Variants in ADAMTS2 observed in about 807,000 individuals in gnomAD.
ADAMTS2 encodes the protein ADAM metallopeptidase with thrombospondin type 1 motif 2.
Under a neutral mutation model 123.0 loss-of-function variants are expected in ADAMTS2, and 50 were observed. The ratio of observed to expected loss-of-function variants is 0.41; its 90% confidence interval spans 0.32 to 0.51. ADAMTS2 has a LOEUF of 0.51. ADAMTS2 is among the 20% of genes least tolerant of loss of function. The pLI, the probability that ADAMTS2 is intolerant of heterozygous loss-of-function variation, is 0.35. For synonymous variants in ADAMTS2, 678 were observed against 695.4 expected, an observed-to-expected ratio of 0.98 and a Z score of 0.39; for missense variants, 1,494 against 1,705.2, an observed-to-expected ratio of 0.88 and a Z score of 2.18.
chr5:179,210,548 T>C (rs1029196515), intron 3 of ADAMTS2, among the ~76,000 whole-genome samples: 2 of 152,220 alleles, frequency 1.3e-5, no homozygotes, highest in African/African-American at 4.8e-5. Context: ...CCAGGACCAG[T>C]GCCTAGAGAG....
chr5:179,179,804 G>A (rs1764006074), intron 5 of ADAMTS2, among the ~76,000 whole-genome samples: 1 of 152,112 alleles, frequency 6.6e-6, no homozygotes, highest in South Asian at 2.1e-4. Flanking sequence ...GGAGTCCTTC[G>A]TCATCATTTT....
chr5:179,260,674 C>T lies in ADAMTS2; in HGVS notation c.688+12237G>A, dbSNP rs908762976. ...CTGTTTCTACAGCTTACTATCTGTG[C>T]GACCGTCGGCACCTCAGTTTCCTCA... On this transcript the variant is annotated intron_variant, in intron 3 of 21. Transcript: ENST00000251582. The surrounding 1 kb of genome is among the most constrained non-coding windows in gnomAD (Gnocchi z 4.2). Among the ~76,000 whole-genome samples the T allele has an allele frequency of 4.6e-5, 7 of 152,170 alleles. No homozygotes were observed. The highest frequency in any genetic ancestry group is 1.4e-4 in the African/African-American group (6 of 41,436).
At chr5:179,201,494 C>CA (rs1311052933) in intron 4 of ADAMTS2, among the ~76,000 whole-genome samples, 2 of 151,532 alleles carry the variant, frequency 1.3e-5, no homozygotes, top group African/African-American at 2.4e-5. Context: ...TTTTACATAG[C>CA]AAAAAAAATG....
intron 3 of ADAMTS2, among the ~76,000 whole-genome samples, chr5:179,218,902 G>A (rs951963924): frequency 1.1e-4 from 17 of 152,192 alleles, no homozygotes; most frequent in Admixed American, 9.8e-4. Flanking sequence ...ACACCCCTCA[G>A]TGGTGGACAC....
At chr5:179,160,999 G>A (rs370962466) in intron 5 of ADAMTS2, among the ~76,000 whole-genome samples, 5 of 152,138 alleles carry the variant, frequency 3.3e-5, no homozygotes, top group East Asian at 3.9e-4. Context: ...GATGAGACCC[G>A]AATCCTCCGC....
At chr5:179,205,980 C>G (rs371538190) in intron 4 of ADAMTS2, among the ~76,000 whole-genome samples, 2 of 152,064 alleles carry the variant, frequency 1.3e-5, no homozygotes, top group African/African-American at 2.4e-5. Context: ...ACCGTGGTCT[C>G]GATCTCCTGA....
At chr5:179,334,021 C>T (rs907291893) in intron 2 of ADAMTS2, among the ~76,000 whole-genome samples, 66 of 152,318 alleles carry the variant, frequency 4.3e-4, no homozygotes, top group Admixed American at 3.9e-3. Flanking sequence ...CACCTCAGAG[C>T]AGCGGGCAAA....
chr5:179,122,972 C>G (rs564588745), intron 19 of ADAMTS2, 199 bp from the exon 20 acceptor site: 1 of 713,780 alleles, frequency 1.4e-6, no homozygotes, highest in Non-Finnish European at 2.4e-6. Context: ...AAAGAAGGGA[C>G]CCACATGCCT....
In ADAMTS2 at chr5:179,132,663, C is replaced by G. The variant is rs981945284; in HGVS notation, c.2209+114G>C. ...TCAGTGTCACAGACCTCTCCCCCTC[C>G]CCAGAACAGTCATAAGCCCGGACAG... On this transcript the variant is annotated intron_variant, in intron 14 of 21. Coordinates refer to ENST00000251582, the MANE Select transcript of ADAMTS2 (RefSeq NM_014244.5). The surrounding 1 kb of genome is among the most constrained non-coding windows in gnomAD (Gnocchi z 6.1). 40 of 1,493,358 alleles carry G rather than the reference C, an allele frequency of 2.7e-5. No individual in the cohort carries two copies. Among genetic ancestry groups the G allele is most frequent in the Non-Finnish European group, 3.7e-5 (40 of 1,077,468 alleles). 92.5% of individuals were successfully genotyped at this position (1,493,358 alleles called of 1,614,324 possible).
At chr5:179,269,102 G>A (rs1181614427) in intron 3 of ADAMTS2, among the ~76,000 whole-genome samples, 1 of 152,144 alleles carries the variant, frequency 6.6e-6, no homozygotes, top group Non-Finnish European at 1.5e-5. Context: ...GAAGAGGAGG[G>A]GGCGACATGA....
chr5:179,255,914 T>G (rs1023904570), intron 3 of ADAMTS2, among the ~76,000 whole-genome samples: 1 of 152,130 alleles, frequency 6.6e-6, no homozygotes, highest in Non-Finnish European at 1.5e-5. Flanking sequence ...CTGGACCCCT[T>G]TGCACAGATG....
intron 2 of ADAMTS2, among the ~76,000 whole-genome samples, chr5:179,280,645 C>T (rs557037747): frequency 6.6e-6 from 1 of 152,212 alleles, no homozygotes; most frequent in African/African-American, 2.4e-5. Context: ...GCCGTCTGTC[C>T]CTGGGCGCAC....
At chr5:179,243,865 T>C (rs1765721874) in intron 3 of ADAMTS2, among the ~76,000 whole-genome samples, 1 of 151,842 alleles carries the variant, frequency 6.6e-6, no homozygotes, top group African/African-American at 2.4e-5. Context: ...AAGAACCAAA[T>C]GGAAATTCTG....
chr5:179,124,759 T>A (rs1561767238), intron 19 of ADAMTS2, among the ~76,000 whole-genome samples: 1 of 150,704 alleles, frequency 6.6e-6, no homozygotes, highest in African/African-American at 2.4e-5. Flanking sequence ...AGGGGATTGC[T>A]TACCTGGGAC....
chr5:179,233,997 T>C (rs988088773), intron 3 of ADAMTS2, among the ~76,000 whole-genome samples: 16 of 152,110 alleles, frequency 1.1e-4, no homozygotes, highest in Non-Finnish European at 2.9e-5. Flanking sequence ...GTGGTGTCAC[T>C]AAACACCTGG....
rs1763610930 is a variant in ADAMTS2, at chr5:179,162,500, C to A, written c.976-3621G>T. Among the ~76,000 whole-genome samples, 1 of 152,192 alleles carries A rather than the reference C, an allele frequency of 6.6e-6. No homozygotes were observed. The highest frequency in any genetic ancestry group is 1.5e-5 in the Non-Finnish European group (1 of 68,030). On this transcript the variant is annotated intron_variant, in intron 5 of 21. Coordinates refer to ENST00000251582, the MANE Select transcript of ADAMTS2 (RefSeq NM_014244.5). The surrounding 1 kb of genome is among the most constrained non-coding windows in gnomAD (Gnocchi z 5.1). ...GCTGTACCGGAGGCGGGTCAGCTCC[C>A]AGGCTCATTCAGGTGGTCACGGCGG... is the stretch of plus-strand genomic sequence containing the variant.
intron 3 of ADAMTS2, among the ~76,000 whole-genome samples, chr5:179,257,690 G>A (rs1455401463): frequency 6.6e-6 from 1 of 152,150 alleles, no homozygotes; most frequent in Non-Finnish European, 1.5e-5. Flanking sequence ...TTCCCGAAAG[G>A]AAAATAAAAA....
At chr5:179,265,553 C>A (rs1473894097) in intron 3 of ADAMTS2, among the ~76,000 whole-genome samples, 1 of 152,204 alleles carries the variant, frequency 6.6e-6, no homozygotes, top group Non-Finnish European at 1.5e-5. Flanking sequence ...GTGGGAAGCA[C>A]CCACAGGGCA....
Position 179,285,663 on chromosome 5 carries a change from T to C in ADAMTS2, c.535-12599A>G, listed in dbSNP as rs1756000403. Among the ~76,000 whole-genome samples, 1 of 152,192 alleles carries C rather than the reference T, an allele frequency of 6.6e-6. No individual in the cohort carries two copies. Among genetic ancestry groups the C allele is most frequent in the Non-Finnish European group, 1.5e-5 (1 of 68,026 alleles). ...CCCGGCCAGATTCTCTGGCTGACAT[T>C]TCCCAGGTCTCGTTCAGCATGAAGC... On this transcript the variant is annotated intron_variant, in intron 2 of 21. Coordinates refer to ENST00000251582, the MANE Select transcript of ADAMTS2 (RefSeq NM_014244.5). This position sits in a 1 kb window ranked among gnomAD's most constrained non-coding sequence, Gnocchi z 4.9.
Sources: gnomAD v4.1 joint callset for allele counts (sites outside exome capture counted in the v4.1 genomes callset) on GRCh38, gnomAD v4.1.1 for gene constraint, Gnocchi (gnomAD v3.1) non-coding constraint, MANE v1.5 for transcripts, NCBI Gene and HGNC (gene_info 2026-07-23, HGNC 2026-07-21) for gene names.